PRKCA: variants seen among roughly 807,000 people sequenced by gnomAD.
PRKCA encodes protein kinase C alpha.
In PRKCA, 27 loss-of-function variants were observed where a neutral mutation model predicts 87.0. The observed-to-expected ratio is 0.31, with a 90% CI of 0.23 to 0.43. The LOEUF (loss-of-function observed/expected upper bound fraction) is 0.43. Ranked by LOEUF, PRKCA falls within the 20% of genes least tolerant of loss-of-function variation. PRKCA has a pLI of 1.00. For synonymous variants in PRKCA, 329 were observed against 311.1 expected (o/e 1.06, Z -0.61); for missense variants, 518 against 852.3 (o/e 0.61, Z 4.88).
At chr17:66,308,243 G>A (rs533694670) in intron 2 of PRKCA, among the ~76,000 whole-genome samples, 7 of 152,276 alleles carry the variant, frequency 4.6e-5, no homozygotes, top group African/African-American at 1.7e-4. Flanking sequence ...AAGAGTTCCA[G>A]TGCACATTTT....
intron 8 of PRKCA, among the ~76,000 whole-genome samples, chr17:66,697,846 C>T (rs562028381): frequency 2.0e-4 from 30 of 151,692 alleles, no homozygotes; most frequent in Admixed American, 2.0e-4. Flanking sequence ...TGAATGCAAG[C>T]GTATTATGTA....
At chr17:66,621,574 C>T (rs879641862) in intron 3 of PRKCA, among the ~76,000 whole-genome samples, 7 of 152,172 alleles carry the variant, frequency 4.6e-5, no homozygotes, top group Non-Finnish European at 1.0e-4. Context: ...GATTTCTTTG[C>T]GAAGTCTGTG....
chr17:66,656,133 G>C (rs186702913), intron 5 of PRKCA, among the ~76,000 whole-genome samples: 1 of 152,214 alleles, frequency 6.6e-6, no homozygotes, highest in East Asian at 1.9e-4. Flanking sequence ...TGGAACAAGG[G>C]GCAAAGAGTT....
intron 2 of PRKCA, among the ~76,000 whole-genome samples, chr17:66,492,001 T>C (rs1286549927): frequency 6.6e-6 from 1 of 152,224 alleles, no homozygotes; most frequent in African/African-American, 2.4e-5. Flanking sequence ...ATCTACACTT[T>C]TTCTCCTTAG....
intron 2 of PRKCA, among the ~76,000 whole-genome samples, chr17:66,387,830 T>C (rs1910145950): frequency 6.6e-6 from 1 of 152,170 alleles, no homozygotes; most frequent in Non-Finnish European, 1.5e-5. Flanking sequence ...GACATGGCGA[T>C]TGGAGCCCTC....
Position 66,531,817 on chromosome 17 carries a change from T to C in PRKCA, c.288+35534T>C, listed in dbSNP as rs528148812. On this transcript the variant is annotated intron_variant, in intron 3 of 16. Transcript: ENST00000413366. ...ATTGTGGATATCTGCAAGTCCTGGT[T>C]GGTGACCAGGGACTTGAAGAGTAGA... Among the ~76,000 whole-genome samples the C allele has an allele frequency of 3.3e-5, 5 of 152,332 alleles. No homozygotes were observed. The South Asian group carries it at 6.2e-4, about 19-fold the overall frequency.
intron 2 of PRKCA, among the ~76,000 whole-genome samples, chr17:66,437,630 C>A (rs1414231977): frequency 6.6e-6 from 1 of 151,394 alleles, no homozygotes. Flanking sequence ...GTCCCCCGAG[C>A]AGACACAATT....
chr17:66,499,019 G>T (rs1284264047), intron 3 of PRKCA, among the ~76,000 whole-genome samples: 1 of 152,200 alleles, frequency 6.6e-6, no homozygotes, highest in Non-Finnish European at 1.5e-5. Context: ...TTCAGCATAT[G>T]AATTTTCAGG....
intron 3 of PRKCA, among the ~76,000 whole-genome samples, chr17:66,517,003 C>T (rs1383312985): frequency 6.6e-6 from 1 of 152,032 alleles, no homozygotes; most frequent in African/African-American, 2.4e-5. Flanking sequence ...CTTCAAGAAT[C>T]GGAATTGGCC....
intron 2 of PRKCA, among the ~76,000 whole-genome samples, chr17:66,374,998 G>T (rs1459432720): frequency 1.3e-5 from 2 of 152,064 alleles, no homozygotes; most frequent in South Asian, 2.1e-4. Context: ...CTCTCGAAGT[G>T]CTGGGATTAC....
intron 1 of PRKCA, among the ~76,000 whole-genome samples, chr17:66,304,550 G>A (rs909251758): frequency 6.6e-6 from 1 of 152,174 alleles, no homozygotes; most frequent in African/African-American, 2.4e-5. Flanking sequence ...CCTGCCACCA[G>A]CCAGCTGTGT....
rs61761559 is a variant in PRKCA, at chr17:66,773,861, A to G, written c.1525-126A>G. 46 of 1,473,218 alleles carry G rather than the reference A, an allele frequency of 3.1e-5. No homozygotes were observed. In the African/African-American group the frequency reaches 5.6e-4, roughly 18 times the overall value. 91.3% of individuals were successfully genotyped at this position (1,473,218 alleles called of 1,614,324 possible). A position where few individuals can be genotyped will look rare whatever the true frequency, so the allele number is the denominator to read the frequency against. On this transcript the variant is annotated intron_variant, in intron 13 of 16. Transcript: ENST00000413366. The stretch of plus-strand genomic sequence containing the variant: ...GTCCTCTTCCCTTGGCGTAACATCA[A>G]AGACAGATCTTAGCACCTCATCTGC...
chr17:66,407,962 G>A (rs147618105), intron 2 of PRKCA, among the ~76,000 whole-genome samples: 1,533 of 152,248 alleles, frequency 0.01, 36 homozygotes, highest in Admixed American at 0.065. Flanking sequence ...GCTGAAATTC[G>A]TCTTTTTGAA....
At chr17:66,531,403 C>G (rs780057437) in intron 3 of PRKCA, among the ~76,000 whole-genome samples, 2 of 152,198 alleles carry the variant, frequency 1.3e-5, no homozygotes, top group Non-Finnish European at 2.9e-5. Flanking sequence ...AAATCCACAT[C>G]TCCGGGGTGG....
intron 2 of PRKCA, among the ~76,000 whole-genome samples, chr17:66,424,302 G>A (rs7502783): frequency 0.85 from 128,978 of 152,052 alleles, 55,467 homozygotes; most frequent in South Asian, 0.96. Context: ...GGCTGGGCCC[G>A]GTGGCTCACG....
intron 2 of PRKCA, among the ~76,000 whole-genome samples, chr17:66,420,661 G>A (rs1344307528): frequency 1.3e-5 from 2 of 152,148 alleles, no homozygotes; most frequent in African/African-American, 2.4e-5. Flanking sequence ...TTAAATGCAC[G>A]ACAATACTTT....
intron 2 of PRKCA, among the ~76,000 whole-genome samples, chr17:66,318,749 G>A (rs1231041961): frequency 1.3e-5 from 2 of 151,952 alleles, no homozygotes; most frequent in Non-Finnish European, 2.9e-5. Flanking sequence ...CAGTTACTTG[G>A]GAGGCTGAGG....
At position 66,687,202 on chromosome 17, in the gene PRKCA, A is replaced by G; in HGVS notation, c.621A>G (p.Glu207=). The G allele has an allele frequency of 6.2e-7, 1 of 1,614,180 alleles. No individual in the cohort carries two copies. Among genetic ancestry groups the G allele is most frequent in the Non-Finnish European group, 8.5e-7 (1 of 1,180,008 alleles). The part of the protein sequence containing the change: ...KLKLIPDPKN[E]SKQKTKTIRS... The stretch of plus-strand genomic sequence containing the variant: ...AACTTATTCCTGATCCCAAGAATGA[A>G]AGCAAGCAAAAAACCAAAACCATCC... The change falls in exon 6 of 17, where the codon GAA becomes GAG. Residue 207 remains glutamate (E), a synonymous_variant. Coordinates refer to ENST00000413366, the MANE Select transcript of PRKCA (RefSeq NM_002737.3).
chr17:66,387,075 C>T (rs900880516), intron 2 of PRKCA, among the ~76,000 whole-genome samples: 3 of 152,210 alleles, frequency 2.0e-5, no homozygotes, highest in African/African-American at 7.2e-5. Context: ...TTGATATTTG[C>T]ATATGGGCAG....
Sources: allele counts gnomAD v4.1 joint callset (sites outside exome capture counted in the v4.1 genomes callset), GRCh38; gene constraint gnomAD v4.1.1; transcripts MANE v1.5; gene names NCBI Gene and HGNC (gene_info 2026-07-23, HGNC 2026-07-21).